The following ZNF623 variants were observed in gnomAD, a reference collection of about 807,000 sequenced individuals.
The protein encoded by ZNF623 is zinc finger protein 623.
ZNF623 carries 16 observed loss-of-function variants against 24.0 expected under a neutral mutation model. The observed-to-expected ratio is 0.67, with a 90% CI of 0.45 to 1.01. The LOEUF (loss-of-function observed/expected upper bound fraction) is 1.01. Among genes scored for constraint, ZNF623 ranks in the 50% least tolerant of loss-of-function variants. The pLI is 0.00. For synonymous variants in ZNF623, 224 were observed against 219.8 expected, an observed-to-expected ratio of 1.02 and a Z score of -0.17; for missense variants, 566 against 606.5, an observed-to-expected ratio of 0.93 and a Z score of 0.70.
rs373629353 is a variant in ZNF623, at chr8:143,651,193, A to T, written c.1201A>T (p.Ile401Phe). The T allele has an allele frequency of 1.1e-5, 18 of 1,614,214 alleles. No homozygotes were observed. The highest frequency in any genetic ancestry group is 2.2e-5 in the South Asian group (2 of 91,090). The change falls in exon 2 of 2, where the codon ATC (isoleucine) becomes TTC (phenylalanine). Residue 401 changes from isoleucine (I) to phenylalanine (F), a missense_variant. Ile to Phe is a conservative substitution (Grantham distance 21). Around this residue, in one of 3 missense-constraint regions of ZNF623, gnomAD observed 136 missense variants for 131.9 expected, o/e 1.03. Transcript: ENST00000526926. ...ATGTAAAGACTGTGGGAAAGCCTTC[A>T]TCCAGAGCTCCAAGCTGCTTCTGCA... ...FECKDCGKAF[I>F]QSSKLLLHQI...
At chr8:143,637,798 T>A (rs1814958307) in intron 1 of ZNF623, among the ~76,000 whole-genome samples, 1 of 152,072 alleles carries the variant, frequency 6.6e-6, no homozygotes, top group African/African-American at 2.4e-5. Flanking sequence ...TCTGCCCACC[T>A]CGGCTTCCCA....
chr8:143,642,742 T>C (rs1367662446), intron 1 of ZNF623, among the ~76,000 whole-genome samples: 1 of 152,072 alleles, frequency 6.6e-6, no homozygotes, highest in Non-Finnish European at 1.5e-5. Context: ...GTGGTGGATG[T>C]AGGAAACACA....
intron 1 of ZNF623, among the ~76,000 whole-genome samples, chr8:143,636,622 CCT>C (rs1362414410): frequency 6.6e-6 from 1 of 152,170 alleles, no homozygotes; most frequent in Non-Finnish European, 1.5e-5. Flanking sequence ...GGCCTCGAGG[CCT>C]CTCGGTGCTG....
rs1412830126 is a variant in ZNF623, at chr8:143,650,306, A to G, written c.314A>G (p.His105Arg). 3.1e-6 allele frequency: 5 copies of G among 1,614,226 alleles called. No homozygotes were observed. Among genetic ancestry groups the G allele is most frequent in the Non-Finnish European group, 4.2e-6 (5 of 1,180,038 alleles). ...NSDLVRHRIS[H>R]AGEKPYTCDQ... ...GACCTAGTTAGGCATCGGATTTCGC[A>G]TGCTGGGGAGAAACCTTACACGTGC... The change falls in exon 2 of 2, where the codon CAT (histidine) becomes CGT (arginine). Residue 105 changes from histidine to arginine, a missense_variant. By Grantham distance (29) the His-to-Arg change is conservative. Around this residue, in one of 3 missense-constraint regions of ZNF623, gnomAD observed 313 missense variants for 300.4 expected, o/e 1.04. Coordinates refer to ENST00000526926, the MANE Select transcript of ZNF623 (RefSeq NM_001261843.2). This position sits in a 1 kb window ranked among gnomAD's most constrained non-coding sequence, Gnocchi z 5.2.
chr8:143,645,258 G>A (rs906360443), intron 1 of ZNF623, among the ~76,000 whole-genome samples: 18 of 152,124 alleles, frequency 1.2e-4, no homozygotes, highest in Non-Finnish European at 2.2e-4. Context: ...CCTGGCTAAC[G>A]GTGAAACCCC....
Position 143,650,339 on chromosome 8 carries a change from G to A in ZNF623, c.347G>A (p.Cys116Tyr). The change falls in exon 2 of 2, where the codon TGT becomes TAT. Residue 116 changes from cysteine to tyrosine, a missense_variant. By Grantham distance (194) the Cys-to-Tyr change is radical (BLOSUM62 -2). This residue lies in a region of ZNF623 where 313 missense variants were observed against 300.4 expected (regional missense o/e 1.04). Transcript: ENST00000526926. The surrounding 1 kb of genome is among the most constrained non-coding windows in gnomAD (Gnocchi z 5.2). ...AGEKPYTCDQ[C>Y]GKGFGQSSHL... The stretch of plus-strand genomic sequence containing the variant: ...GAGAAACCTTACACGTGCGATCAGT[G>A]TGGGAAAGGCTTTGGCCAGAGCTCA... 2 of 1,614,250 alleles carry A rather than the reference G, an allele frequency of 1.2e-6. No individual in the cohort carries two copies. The highest frequency in any genetic ancestry group is 4.5e-5 in the East Asian group (2 of 44,888).
At chr8:143,648,835 CAAG>C (rs1815228707) in intron 1 of ZNF623, among the ~76,000 whole-genome samples, 1 of 151,966 alleles carries the variant, frequency 6.6e-6, no homozygotes, top group African/African-American at 2.4e-5. Context: ...CTCATTGAAA[CAAG>C]AAGCAAGGTC....
intron 1 of ZNF623, among the ~76,000 whole-genome samples, chr8:143,645,851 C>T (rs1387049909): frequency 6.6e-6 from 1 of 151,856 alleles, no homozygotes; most frequent in Non-Finnish European, 1.5e-5. Flanking sequence ...TACCCAGAAC[C>T]GTGCATTAAA....
intron 1 of ZNF623, among the ~76,000 whole-genome samples, chr8:143,639,253 T>C (rs1814994445): frequency 6.6e-6 from 1 of 151,982 alleles, no homozygotes; most frequent in Admixed American, 6.6e-5. Flanking sequence ...GTTTCGCTCT[T>C]GTTGCCCAGG....
chr8:143,649,385 G>C (rs1815243130), intron 1 of ZNF623, among the ~76,000 whole-genome samples: 1 of 152,122 alleles, frequency 6.6e-6, no homozygotes, highest in African/African-American at 2.4e-5. Context: ...AAGTATCATG[G>C]AGGGAGGAAA....
At chr8:143,637,149 C>T (rs764644791) in intron 1 of ZNF623, among the ~76,000 whole-genome samples, 1 of 152,222 alleles carries the variant, frequency 6.6e-6, no homozygotes, top group Non-Finnish European at 1.5e-5. Flanking sequence ...ACGCTTCTTA[C>T]CTCCCTGAAC....
chr8:143,637,906 T>G (rs986542742), intron 1 of ZNF623, among the ~76,000 whole-genome samples: 7 of 152,188 alleles, frequency 4.6e-5, no homozygotes, highest in African/African-American at 1.7e-4. Context: ...TCCATGCTAG[T>G]CAGTTTGTTG....
Position 143,651,147 on chromosome 8 carries a change from C to A in ZNF623, c.1155C>A (p.His385Gln), listed in dbSNP as rs777676081. The change falls in exon 2 of 2, where the codon CAC becomes CAA. Residue 385 changes from histidine to glutamine, a missense_variant. Around this residue, in one of 3 missense-constraint regions of ZNF623, gnomAD observed 136 missense variants for 131.9 expected, o/e 1.03. Coordinates refer to ENST00000526926, the MANE Select transcript of ZNF623 (RefSeq NM_001261843.2). ...KAHLTEHQKI[H>Q]SGDRPFECKD... is the part of the protein sequence containing the mutation. ...ATCTCACTGAGCACCAGAAGATCCA[C>A]TCTGGGGACAGGCCCTTCGAATGTA... 6.2e-7 allele frequency: 1 copy of A among 1,614,174 alleles called. No individual in the cohort carries two copies. The highest frequency in any genetic ancestry group is 8.5e-7 in the Non-Finnish European group (1 of 1,180,014).
chr8:143,643,189 G>A (rs1815097281), intron 1 of ZNF623, among the ~76,000 whole-genome samples: 1 of 152,206 alleles, frequency 6.6e-6, no homozygotes, highest in Non-Finnish European at 1.5e-5. Flanking sequence ...AGGGTTCTTA[G>A]TCCTACAGTT....
At chr8:143,641,069 C>T (rs1022185871) in intron 1 of ZNF623, among the ~76,000 whole-genome samples, 12 of 151,844 alleles carry the variant, frequency 7.9e-5, no homozygotes, top group Non-Finnish European at 1.6e-4. Flanking sequence ...CTATTTTCAC[C>T]ACATCTATAG....
At chr8:143,637,537 T>TATTC (rs1293133632) in intron 1 of ZNF623, among the ~76,000 whole-genome samples, 15 of 47,480 alleles carry the variant, frequency 3.2e-4, no homozygotes, top group African/African-American at 5.3e-4. Flanking sequence ...TTTCAAGTGA[T>TATTC]ATTTATTTAT....
Position 143,651,748 on chromosome 8 carries a change from G to T in ZNF623, c.*265G>T. Reference sequence around the variant, plus strand: ...AGGGAGAAGACAGGTCTCAAGAAAAGGTTTTTAAGAAGTTTCATCCCCAGT... The same window carrying T: ...AGGGAGAAGACAGGTCTCAAGAAAATGTTTTTAAGAAGTTTCATCCCCAGT... On this transcript the variant is annotated 3_prime_UTR_variant, in exon 2 of 2. Transcript: ENST00000526926. The T allele has an allele frequency of 2.4e-6, 1 of 424,606 alleles. No individual in the cohort carries two copies. 26.3% of individuals were successfully genotyped at this position (424,606 alleles called of 1,614,324 possible). A position where few individuals can be genotyped will look rare whatever the true frequency, so the allele number is the denominator to read the frequency against.
chr8:143,640,348 T>C (rs528658193), intron 1 of ZNF623, among the ~76,000 whole-genome samples: 2 of 152,328 alleles, frequency 1.3e-5, no homozygotes, highest in Admixed American at 6.5e-5. Context: ...AGGGTGATGG[T>C]TGCTGAAGGT....
In ZNF623 at chr8:143,651,612, A is replaced by G. The variant is rs370741676; in HGVS notation, c.*129A>G. The G allele has an allele frequency of 2.9e-6, 3 of 1,038,386 alleles. 1 individual carries two copies. The East Asian group carries it at 7.7e-5, about 27-fold the overall frequency. 64.3% of individuals were successfully genotyped at this position (1,038,386 alleles called of 1,614,324 possible). Reference sequence around the variant, plus strand: ...TGGGGCTGCTTTTGCAGTGGGTGCCACCTGCCACTGTGCAGCCCTACTCGG... The same window carrying G: ...TGGGGCTGCTTTTGCAGTGGGTGCCGCCTGCCACTGTGCAGCCCTACTCGG... On this transcript the variant is annotated 3_prime_UTR_variant, in exon 2 of 2. Coordinates refer to ENST00000526926, the MANE Select transcript of ZNF623 (RefSeq NM_001261843.2).
Sources: gnomAD v4.1 joint callset for allele counts (sites outside exome capture counted in the v4.1 genomes callset) on GRCh38, gnomAD v4.1.1 for gene constraint, gnomAD v4.1.1 regional missense constraint, Gnocchi (gnomAD v3.1) non-coding constraint, MANE v1.5 for transcripts, NCBI Gene and HGNC (gene_info 2026-07-23, HGNC 2026-07-21) for gene names.